The following NAALADL2 variants were observed in gnomAD, a reference collection of about 807,000 sequenced individuals.
NAALADL2 encodes the protein N-acetylated alpha-linked acidic dipeptidase like 2.
In NAALADL2, 76 loss-of-function variants were observed where a neutral mutation model predicts 87.2. The ratio of observed to expected loss-of-function variants is 0.87; its 90% CI spans 0.72 to 1.05. The LOEUF is 1.05. NAALADL2 is among the 50% of genes least tolerant of loss of function. NAALADL2 has a pLI of 0.00. For synonymous variants in NAALADL2, 354 were observed against 331.0 expected (o/e 1.07, Z -0.75); for missense variants, 1,089 against 945.8 (o/e 1.15, Z -1.99).
intron 2 of NAALADL2, among the ~76,000 whole-genome samples, chr3:175,102,049 G>A (rs1722302175): frequency 6.6e-6 from 1 of 152,000 alleles, no homozygotes; most frequent in Admixed American, 6.6e-5. Flanking sequence ...ACCTGCTTTA[G>A]AATTTTTTAA....
chr3:174,454,181 C>G (rs557898934), intron 1 of NAALADL2, among the ~76,000 whole-genome samples: 1 of 152,120 alleles, frequency 6.6e-6, no homozygotes, highest in Non-Finnish European at 1.5e-5. Context: ...TTCAATTCAA[C>G]GGGAAGATCT....
chr3:175,444,967 T>C (rs1720455600), intron 5 of NAALADL2, among the ~76,000 whole-genome samples: 1 of 152,204 alleles, frequency 6.6e-6, no homozygotes, highest in Non-Finnish European at 1.5e-5. Flanking sequence ...ATTTTCTTAT[T>C]TATAATCTAC....
At chr3:175,439,355 C>G (rs977159598) in intron 5 of NAALADL2, among the ~76,000 whole-genome samples, 1 of 151,592 alleles carries the variant, frequency 6.6e-6, no homozygotes, top group Non-Finnish European at 1.5e-5. Flanking sequence ...TGGGTGGATA[C>G]TCAGGAGTGG....
At chr3:174,882,676 T>TGCATATGC (rs1560319021) in intron 1 of NAALADL2, among the ~76,000 whole-genome samples, 2 of 132,198 alleles carry the variant, frequency 1.5e-5, no homozygotes, top group African/African-American at 7.9e-5. Context: ...TACACATATG[T>TGCATATGC]GTATATGTGT....
At chr3:174,734,470 A>G (rs911648182) in intron 2 of NAALADL2, among the ~76,000 whole-genome samples, 6 of 152,162 alleles carry the variant, frequency 3.9e-5, no homozygotes, top group Admixed American at 3.9e-4. Flanking sequence ...ACCAGTTTTC[A>G]AGGGCTCTCT....
At chr3:174,785,599 T>A (rs1716544514) in intron 3 of NAALADL2, among the ~76,000 whole-genome samples, 1 of 152,150 alleles carries the variant, frequency 6.6e-6, no homozygotes, top group Admixed American at 6.6e-5. Flanking sequence ...AAATATTGCT[T>A]TGTCTATTTG....
chr3:175,507,570 C>G (rs1203820009), intron 9 of NAALADL2, among the ~76,000 whole-genome samples: 2 of 151,922 alleles, frequency 1.3e-5, no homozygotes, highest in Admixed American at 6.6e-5. Flanking sequence ...TTACAGGTGC[C>G]CGTAACCATG....
chr3:174,931,199 T>C (rs916958658), intron 1 of NAALADL2, among the ~76,000 whole-genome samples: 2 of 151,972 alleles, frequency 1.3e-5, no homozygotes, highest in African/African-American at 4.8e-5. Context: ...ACCAATAATA[T>C]CAGTTTAGGG....
At chr3:174,967,676 G>C (rs1387020554) in intron 1 of NAALADL2, among the ~76,000 whole-genome samples, 3 of 152,160 alleles carry the variant, frequency 2.0e-5, no homozygotes. Context: ...AGAGAAAGGG[G>C]ACTTGCTGAC....
At chr3:174,688,656 G>A (rs1355289312) in intron 2 of NAALADL2, among the ~76,000 whole-genome samples, 1 of 152,020 alleles carries the variant, frequency 6.6e-6, no homozygotes, top group Non-Finnish European at 1.5e-5. Flanking sequence ...CTTTCTGTGG[G>A]AGGACTATAT....
At chr3:175,328,004 G>A (rs889707941) in intron 5 of NAALADL2, among the ~76,000 whole-genome samples, 2 of 152,208 alleles carry the variant, frequency 1.3e-5, no homozygotes, top group African/African-American at 4.8e-5. Context: ...TTACACACCT[G>A]CAGTTTTGTG....
intron 1 of NAALADL2, among the ~76,000 whole-genome samples, chr3:175,031,451 ATTCT>A (rs1752790800): frequency 2.0e-5 from 3 of 152,002 alleles, no homozygotes; most frequent in Admixed American, 6.6e-5. Context: ...ATATGATTTC[ATTCT>A]TTTTTATTGC....
At chr3:175,473,854 A>G (rs932597908) in intron 9 of NAALADL2, among the ~76,000 whole-genome samples, 2 of 152,176 alleles carry the variant, frequency 1.3e-5, no homozygotes, top group Non-Finnish European at 2.9e-5. Flanking sequence ...TGAAGATTTT[A>G]TCAATGATTA....
At chr3:175,617,177 TC>T (rs1359674514) in intron 10 of NAALADL2, among the ~76,000 whole-genome samples, 5 of 152,160 alleles carry the variant, frequency 3.3e-5, no homozygotes, top group Admixed American at 3.3e-4. Context: ...GAGATGTCAC[TC>T]ACAGTCATGC....
intron 6 of NAALADL2, among the ~76,000 whole-genome samples, chr3:175,462,454 A>C (rs1723289317): frequency 1.3e-5 from 2 of 152,174 alleles, no homozygotes; most frequent in African/African-American, 4.8e-5. Context: ...ACCTTGAGGG[A>C]AAGAAGTAAT....
chr3:175,700,230 A>T (rs1474633163), intron 11 of NAALADL2, among the ~76,000 whole-genome samples: 1 of 152,156 alleles, frequency 6.6e-6, no homozygotes, highest in Non-Finnish European at 1.5e-5. Flanking sequence ...GAACAATGCT[A>T]AGTGCTATGT....
chr3:175,426,768 C>T (rs757293163), intron 5 of NAALADL2, among the ~76,000 whole-genome samples: 2 of 152,104 alleles, frequency 1.3e-5, no homozygotes, highest in Admixed American at 6.6e-5. Flanking sequence ...AACTTCACAG[C>T]TTTATCTCGT....
At chr3:175,326,533 C>G (rs1760724208) in intron 5 of NAALADL2, among the ~76,000 whole-genome samples, 3 of 152,208 alleles carry the variant, frequency 2.0e-5, no homozygotes, top group Admixed American at 2.0e-4. Context: ...AAGAACCGCA[C>G]TTCTGGTTTC....
intron 11 of NAALADL2, among the ~76,000 whole-genome samples, chr3:175,704,660 C>T (rs1739433041): frequency 2.0e-5 from 3 of 152,174 alleles, no homozygotes; most frequent in Admixed American, 2.0e-4. Flanking sequence ...CAAACATATG[C>T]TCTTCATTGA....
Sources: allele counts gnomAD v4.1 joint callset (sites outside exome capture counted in the v4.1 genomes callset), GRCh38; gene constraint gnomAD v4.1.1; transcripts MANE v1.5; gene names NCBI Gene and HGNC (gene_info 2026-07-23, HGNC 2026-07-21).